Variants in ELF5 observed in about 807,000 individuals in gnomAD.
ELF5 encodes the protein E74 like ETS transcription factor 5.
ELF5 carries 31 observed loss-of-function variants against 38.2 expected under a neutral mutation model. The observed-to-expected ratio is 0.81, with a 90% confidence interval of 0.61 to 1.10. The LOEUF (loss-of-function observed/expected upper bound fraction) is 1.10, where lower values mean the gene tolerates loss of function less well. ELF5 is among the 50% of genes least tolerant of loss of function. The pLI is 0.00. For synonymous variants in ELF5, 121 were observed against 112.5 expected (o/e 1.08, Z -0.48); for missense variants, 300 against 306.6 (o/e 0.98, Z 0.16).
At chr11:34,500,745 A>G (rs1429051467) in intron 2 of ELF5, among the ~76,000 whole-genome samples, 1 of 152,242 alleles carries the variant, frequency 6.6e-6, no homozygotes, top group African/African-American at 2.4e-5. Context: ...GTTTTGACTT[A>G]GAAGTTCTTA....
intron 6 of ELF5, among the ~76,000 whole-genome samples, chr11:34,480,528 T>C (rs574150611): frequency 1.3e-5 from 2 of 152,232 alleles, no homozygotes; most frequent in South Asian, 4.1e-4. Context: ...TGTTTTTCTT[T>C]GTGTGTGTGG....
intron 2 of ELF5, among the ~76,000 whole-genome samples, chr11:34,504,804 G>A (rs1850565723): frequency 6.6e-6 from 1 of 152,170 alleles, no homozygotes; most frequent in South Asian, 2.1e-4. Flanking sequence ...TCCGGCATGG[G>A]ATTTTCTCAA....
intron 2 of ELF5, 53 bp from the exon 3 acceptor site, chr11:34,493,765 G>A (rs183975760): frequency 1.3e-6 from 2 of 1,519,710 alleles, no homozygotes; most frequent in African/African-American, 2.7e-5. Flanking sequence ...CAGCCTTCGA[G>A]AGGGCCCCTG....
At chr11:34,506,477 CT>C (rs1850616431) in intron 1 of ELF5, among the ~76,000 whole-genome samples, 1 of 152,160 alleles carries the variant, frequency 6.6e-6, no homozygotes, top group Admixed American at 6.5e-5. Flanking sequence ...CACATACCCC[CT>C]GAATCTAAAC....
At position 34,505,657 on chromosome 11, in the gene ELF5, C is replaced by T. The variant is rs373891267; in HGVS notation, c.93G>A (p.Glu31=). The T allele has an allele frequency of 1.9e-6, 3 of 1,613,900 alleles. No homozygotes were observed. In the African/African-American group the frequency reaches 4.0e-5, roughly 22 times the overall value. ...MSWTDLFSNE[E]YYPAFEHQTA... ...TCTGATGCTCAAAGGCAGGGTAGTACTCTTCATTGCTGAACAGATCAGTCC... is the reference window on the plus strand; with the variant it reads ...TCTGATGCTCAAAGGCAGGGTAGTATTCTTCATTGCTGAACAGATCAGTCC... Residue 31 remains glutamate (E), a synonymous_variant, in exon 2 of 7, where the codon GAG becomes GAA. Transcript: ENST00000257832.
At chr11:34,513,125 T>C (rs1161083882) in intron 1 of ELF5, among the ~76,000 whole-genome samples, 2 of 152,212 alleles carry the variant, frequency 1.3e-5, no homozygotes, top group African/African-American at 4.8e-5. Context: ...CCATTGCTTT[T>C]CTGGAAGCAT....
At chr11:34,490,219 A>C (rs1590327414) in intron 3 of ELF5, among the ~76,000 whole-genome samples, 160 bp from the exon 4 acceptor site, 2 of 152,278 alleles carry the variant, frequency 1.3e-5, no homozygotes, top group South Asian at 4.2e-4. Flanking sequence ...TTAGAGTGTC[A>C]CCCTGAAGCC....
intron 3 of ELF5, chr11:34,491,678 G>C (rs1590328949): frequency 6.6e-6 from 1 of 151,192 alleles, no homozygotes; most frequent in Non-Finnish European, 1.5e-5. Context: ...CTGGGTTCAA[G>C]TGATTCTCAT....
chr11:34,493,429 G>C (rs1172814477), intron 3 of ELF5, 50 bp downstream of exon 3: 2 of 1,543,614 alleles, frequency 1.3e-6, no homozygotes, highest in African/African-American at 1.4e-5. Flanking sequence ...AAAGTTGTTT[G>C]GTCCTAATCC....
chr11:34,495,386 G>T (rs1157729974), intron 2 of ELF5, among the ~76,000 whole-genome samples: 1 of 152,206 alleles, frequency 6.6e-6, no homozygotes, highest in Non-Finnish European at 1.5e-5. Flanking sequence ...CCAGGCAGGA[G>T]GTGGGTCCTC....
chr11:34,511,412 T>C (rs1255769859), intron 1 of ELF5: 9 of 1,251,000 alleles, frequency 7.2e-6, no homozygotes, highest in Middle Eastern at 1.9e-4. Context: ...CCGTGGAAGC[T>C]GGAATCAGTT....
rs532904079 is a variant in ELF5 at position 34,486,574 on chromosome 11, G to A, written c.406+3435C>T. On this transcript the variant is annotated intron_variant, in intron 4 of 6. Coordinates refer to ENST00000257832, the MANE Select transcript of ELF5 (RefSeq NM_001422.4). ...CATGTGTGCCTATGTGAATATGTGT[G>A]TGTGTGTGTGCATGTGTGAGTGTGC... is the stretch of plus-strand genomic sequence containing the variant. Among the ~76,000 whole-genome samples the A allele has an allele frequency of 5.3e-5, 8 of 152,334 alleles. No homozygotes were observed. The South Asian group carries it at 1.4e-3, about 28-fold the overall frequency.
rs572357510 is a variant in ELF5, at chr11:34,489,172, G to A, written c.406+837C>T. Among the ~76,000 whole-genome samples the A allele has an allele frequency of 3.3e-5, 5 of 152,362 alleles. No individual in the cohort carries two copies. The South Asian group carries it at 1.0e-3, about 32-fold the overall frequency. ...AAGCACCAAAAACAAAACGAAAAAC[G>A]AAATTCCAAAAACTTTTGTTAACTA... On this transcript the variant is annotated intron_variant, in intron 4 of 6. Transcript: ENST00000257832.
chr11:34,482,781 G>A (rs1267030983), intron 4 of ELF5, among the ~76,000 whole-genome samples: 1 of 152,138 alleles, frequency 6.6e-6, no homozygotes, highest in Non-Finnish European at 1.5e-5. Flanking sequence ...GTAAGGACTT[G>A]GGACTTTATA....
chr11:34,480,156 A>T lies in ELF5; in HGVS notation c.*62T>A. On this transcript the variant is annotated 3_prime_UTR_variant, in exon 7 of 7. Coordinates refer to ENST00000257832, the MANE Select transcript of ELF5 (RefSeq NM_001422.4). ...AGAAAATGAAGCCTTTCGAATGTCT[A>T]TTGCAATCTGATTGTTTTAAAAGAC... The T allele has an allele frequency of 7.3e-7, 1 of 1,361,962 alleles. No homozygotes were observed. Among genetic ancestry groups the T allele is most frequent in the Non-Finnish European group, 1.0e-6 (1 of 959,114 alleles). The allele number at this position is 1,361,962 out of a possible 1,614,324, so 84.4% of individuals were successfully genotyped here.
chr11:34,503,316 G>C (rs1158735348), intron 2 of ELF5, among the ~76,000 whole-genome samples: 4 of 144,276 alleles, frequency 2.8e-5, no homozygotes, highest in African/African-American at 1.0e-4. Flanking sequence ...GTGCCACCAT[G>C]CCCAGCTAAT....
At chr11:34,500,306 AG>A (rs1850430470) in intron 2 of ELF5, among the ~76,000 whole-genome samples, 1 of 152,210 alleles carries the variant, frequency 6.6e-6, no homozygotes, top group Non-Finnish European at 1.5e-5. Flanking sequence ...ACTGGATAGC[AG>A]GGGCACCATC....
chr11:34,489,978 A>T (rs910927304), intron 4 of ELF5, 31 bp downstream of exon 4: 4 of 1,613,282 alleles, frequency 2.5e-6, no homozygotes, highest in Non-Finnish European at 3.4e-6. Flanking sequence ...ACCTTGACAG[A>T]GCCTTGGGTG....
At chr11:34,482,075 C>T (rs907092822) in intron 5 of ELF5, among the ~76,000 whole-genome samples, 10 of 152,170 alleles carry the variant, frequency 6.6e-5, no homozygotes, top group African/African-American at 1.7e-4. Context: ...TTGGATCTGG[C>T]GCCAGATGGT....
Sources: allele counts gnomAD v4.1 joint callset (sites outside exome capture counted in the v4.1 genomes callset), GRCh38; gene constraint gnomAD v4.1.1; transcripts MANE v1.5; gene names NCBI Gene and HGNC (gene_info 2026-07-23, HGNC 2026-07-21).